The following HTRA1 variants were observed in gnomAD, a reference collection of about 807,000 sequenced individuals.
The protein encoded by HTRA1 is HtrA serine peptidase 1.
Under a neutral mutation model 49.7 loss-of-function variants are expected in HTRA1, and 26 were observed. The observed-to-expected ratio is 0.52, with a 90% CI of 0.38 to 0.73. HTRA1 has a LOEUF of 0.73. Among genes scored for constraint, HTRA1 ranks in the 30% least tolerant of loss-of-function variants. The pLI is 0.00. For missense variants in HTRA1, 561 were observed against 667.2 expected, an observed-to-expected ratio of 0.84 and a Z score of 1.75; for synonymous variants, 291 against 286.9, an observed-to-expected ratio of 1.01 and a Z score of -0.14.
chr10:122,485,044 C>T (rs1351383409), intron 1 of HTRA1, among the ~76,000 whole-genome samples: 1 of 152,226 alleles, frequency 6.6e-6, no homozygotes, highest in Non-Finnish European at 1.5e-5. Flanking sequence ...AGTGGCCACT[C>T]CATGTAGTTT....
chr10:122,504,156 C>G (rs907447351), intron 3 of HTRA1, among the ~76,000 whole-genome samples: 1 of 152,220 alleles, frequency 6.6e-6, no homozygotes, highest in Non-Finnish European at 1.5e-5. Context: ...GGCAAGCAGC[C>G]TGCAGCCTCC....
At chr10:122,496,763 A>C (rs1478964656) in intron 3 of HTRA1, among the ~76,000 whole-genome samples, 4 of 152,142 alleles carry the variant, frequency 2.6e-5, no homozygotes. Context: ...GGAGTTGCTT[A>C]ATTTCCCACT....
At chr10:122,469,390 A>G (rs2097485150) in intron 1 of HTRA1, among the ~76,000 whole-genome samples, 1 of 152,112 alleles carries the variant, frequency 6.6e-6, no homozygotes, top group African/African-American at 2.4e-5. Context: ...CTTGATGGAG[A>G]CGGATGGACA....
At chr10:122,474,963 CA>C (rs2097487775) in intron 1 of HTRA1, among the ~76,000 whole-genome samples, 1 of 152,086 alleles carries the variant, frequency 6.6e-6, no homozygotes, top group Admixed American at 6.5e-5. Flanking sequence ...ACATAAACAA[CA>C]ACATAGTTGT....
rs566584507 is a variant in HTRA1, at chr10:122,487,693, G to A, written c.473-1209G>A. Among the ~76,000 whole-genome samples, 23 of 152,248 alleles carry A rather than the reference G, an allele frequency of 1.5e-4. No homozygotes were observed. Among genetic ancestry groups the A allele is most frequent in the African/African-American group, 5.5e-4 (23 of 41,546 alleles). The stretch of plus-strand genomic sequence containing the variant: ...TGGGAATGTTACAGAGTGTGCCTAC[G>A]CAAACCTAGATGGCAGAGCCCACTC... On this transcript the variant is annotated intron_variant, in intron 1 of 8. Transcript: ENST00000368984. This position sits in a 1 kb window ranked among gnomAD's most constrained non-coding sequence, Gnocchi z 4.8.
chr10:122,462,275 C>A, intron 1 of HTRA1, 151 bp downstream of exon 1: 1 of 713,160 alleles, frequency 1.4e-6, no homozygotes, highest in Non-Finnish European at 2.3e-6. Flanking sequence ...CCCGGGGTGG[C>A]GGATTTCCGC....
In HTRA1 at chr10:122,462,254, G is replaced by A. The variant is rs565896322; in HGVS notation, c.472+130G>A. The A allele has an allele frequency of 4.6e-4, 368 of 802,164 alleles. 2 individuals are homozygous for A. In the African/African-American group the frequency reaches 5.7e-3, roughly 12 times the overall value. 49.7% of individuals were successfully genotyped at this position (802,164 alleles called of 1,614,324 possible). A position where few individuals can be genotyped will look rare whatever the true frequency, so the allele number is the denominator to read the frequency against. The stretch of plus-strand genomic sequence containing the variant: ...GTGGCCAGGGCAACTCTCGGGGACA[G>A]GCAGGTGGGCCCCGGGGTGGCGGAT... On this transcript the variant is annotated intron_variant, in intron 1 of 8. Coordinates refer to ENST00000368984, the MANE Select transcript of HTRA1 (RefSeq NM_002775.5).
At position 122,514,692 on chromosome 10, in the gene HTRA1, C is replaced by G. The variant is rs2097507144; in HGVS notation, c.*333C>G. On this transcript the variant is annotated 3_prime_UTR_variant, in exon 9 of 9. Transcript: ENST00000368984. ...CTTAGTCCAACTAATGCAGTCGATA[C>G]AATGCGTAGATAGAAGAAGCCCCAC... is the stretch of plus-strand genomic sequence containing the variant. 2.8e-6 allele frequency: 1 copy of G among 361,284 alleles called. No individual in the cohort carries two copies. The highest frequency in any genetic ancestry group is 2.1e-5 in the African/African-American group (1 of 47,314). The allele number at this position is 361,284 out of a possible 1,614,324, so 22.4% of individuals were successfully genotyped here.
chr10:122,461,600 G>C lies in HTRA1; in HGVS notation c.-53G>C. 1 of 1,170,812 alleles carries C rather than the reference G, an allele frequency of 8.5e-7. No homozygotes were observed. The highest frequency in any genetic ancestry group is 3.4e-4 in the Middle Eastern group (1 of 2,982). 72.5% of individuals were successfully genotyped at this position (1,170,812 alleles called of 1,614,324 possible). On this transcript the variant is annotated 5_prime_UTR_variant, in exon 1 of 9. Coordinates refer to ENST00000368984, the MANE Select transcript of HTRA1 (RefSeq NM_002775.5). ...GCCCTCCTGCACTCTCCCCGGCGCC[G>C]CTCTCCGGCCCTCGCCCTGTCCGCC... is the stretch of plus-strand genomic sequence containing the variant.
At chr10:122,477,098 G>C (rs377422456) in intron 1 of HTRA1, among the ~76,000 whole-genome samples, 1 of 151,530 alleles carries the variant, frequency 6.6e-6, no homozygotes, top group Non-Finnish European at 1.5e-5. Flanking sequence ...CTCCCGAGTA[G>C]CTGGGACCAC....
intron 3 of HTRA1, among the ~76,000 whole-genome samples, chr10:122,499,358 G>T (rs1202058465): frequency 3.9e-5 from 6 of 152,300 alleles, no homozygotes; most frequent in African/African-American, 1.2e-4. Flanking sequence ...GTGATAGGTC[G>T]AGAGAGACAG....
intron 1 of HTRA1, among the ~76,000 whole-genome samples, chr10:122,471,694 C>T (rs2097486195): frequency 6.6e-6 from 1 of 152,176 alleles, no homozygotes; most frequent in African/African-American, 2.4e-5. Context: ...ATGACTCTCA[C>T]AAGCTGCACA....
At chr10:122,492,004 C>T (rs751005878) in intron 3 of HTRA1, among the ~76,000 whole-genome samples, 6 of 152,064 alleles carry the variant, frequency 3.9e-5, no homozygotes, top group Admixed American at 6.5e-5. Flanking sequence ...TGGGTTATTT[C>T]GGGGGAAGCT....
chr10:122,477,504 T>G (rs560108846), intron 1 of HTRA1, among the ~76,000 whole-genome samples: 27 of 152,320 alleles, frequency 1.8e-4, no homozygotes, highest in African/African-American at 6.3e-4. Context: ...GGGAAAGTAC[T>G]GATGGCAGCT....
chr10:122,468,080 G>T (rs1025856752), intron 1 of HTRA1, among the ~76,000 whole-genome samples: 5 of 152,226 alleles, frequency 3.3e-5, no homozygotes, highest in African/African-American at 1.2e-4. Context: ...CACCTACTGT[G>T]TGCTCAGAAG....
intron 5 of HTRA1, 99 bp downstream of exon 5, chr10:122,507,501 G>T: frequency 1.1e-6 from 1 of 951,988 alleles, no homozygotes; most frequent in Non-Finnish European, 1.7e-6. Context: ...TGAGGCAGGG[G>T]GTCTTTTCAA....
intron 8 of HTRA1, among the ~76,000 whole-genome samples, chr10:122,513,610 A>G (rs897419941): frequency 7.9e-6 from 1 of 125,924 alleles, no homozygotes; most frequent in African/African-American, 3.0e-5. Flanking sequence ...AGCTTGGGCA[A>G]CAATTGAGAC....
chr10:122,510,525 C>T (rs1401431603), intron 7 of HTRA1, among the ~76,000 whole-genome samples: 1 of 152,206 alleles, frequency 6.6e-6, no homozygotes, highest in Admixed American at 6.5e-5. Flanking sequence ...GGCCCCAAGC[C>T]CCTCCCGCAG....
intron 1 of HTRA1, among the ~76,000 whole-genome samples, chr10:122,466,333 T>C (rs1302965989): frequency 6.6e-6 from 1 of 152,096 alleles, no homozygotes; most frequent in Admixed American, 6.5e-5. Context: ...GCCCAGCTAA[T>C]TTTTTTGTAT....
Sources: allele counts gnomAD v4.1 joint callset (sites outside exome capture counted in the v4.1 genomes callset), GRCh38; gene constraint gnomAD v4.1.1; non-coding constraint Gnocchi (gnomAD v3.1); transcripts MANE v1.5; gene names NCBI Gene and HGNC (gene_info 2026-07-23, HGNC 2026-07-21).